The following PARD3B variants were observed in gnomAD, a reference collection of about 807,000 sequenced individuals.
PARD3B encodes par-3 family cell polarity regulator beta.
PARD3B carries 103 observed loss-of-function variants against 130.2 expected under a neutral mutation model. That is an observed-to-expected ratio of 0.79 (90% CI 0.67 to 0.93). PARD3B has a LOEUF of 0.93. PARD3B is among the 40% of genes least tolerant of loss of function. The pLI, the probability that PARD3B is intolerant of heterozygous loss-of-function variation, is 0.00. For synonymous variants in PARD3B, 583 were observed against 553.2 expected (o/e 1.05, Z -0.76); for missense variants, 1,609 against 1,499.2 (o/e 1.07, Z -1.21).
intron 2 of PARD3B, among the ~76,000 whole-genome samples, chr2:204,795,217 A>T (rs535923369): frequency 6.6e-6 from 1 of 152,304 alleles, no homozygotes; most frequent in South Asian, 2.1e-4. Flanking sequence ...TTAAAGTAAG[A>T]TTTTGTTAAG....
chr2:204,871,881 A>G (rs1186163242), intron 2 of PARD3B, among the ~76,000 whole-genome samples: 2 of 152,086 alleles, frequency 1.3e-5, no homozygotes, highest in East Asian at 3.9e-4. Flanking sequence ...CCCAATTTTA[A>G]AGCTTTCTTG....
intron 2 of PARD3B, among the ~76,000 whole-genome samples, chr2:204,747,421 G>A (rs569376435): frequency 3.3e-5 from 5 of 152,224 alleles, no homozygotes; most frequent in East Asian, 1.9e-4. Flanking sequence ...ACTGCTCAAC[G>A]AAATAAAAGA....
chr2:204,757,019 T>G (rs1178702937), intron 2 of PARD3B, among the ~76,000 whole-genome samples: 1 of 152,136 alleles, frequency 6.6e-6, no homozygotes, highest in Non-Finnish European at 1.5e-5. Context: ...CAGTATTTGG[T>G]TTTCTGTTTC....
In PARD3B at chr2:205,146,287, AG is replaced by A. The variant is rs1268828322; in HGVS notation, c.1435-12432del. On this transcript the variant is annotated intron_variant, in intron 10 of 22. Transcript: ENST00000406610. This position sits in a 1 kb window ranked among gnomAD's most constrained non-coding sequence, Gnocchi z 4.3. ...CAAAGATATTGGAAGTATCTTCCTAAGGGCCCAGCTTCCCAAATGGGCTACT... is the reference window on the plus strand; with the variant it reads ...CAAAGATATTGGAAGTATCTTCCTAAGGCCCAGCTTCCCAAATGGGCTACT... 6.6e-6 allele frequency among the ~76,000 whole-genome samples: 1 copy of A among 152,176 alleles called. No individual in the cohort carries two copies. The highest frequency in any genetic ancestry group is 1.5e-5 in the Non-Finnish European group (1 of 68,030).
rs1263638907 is a variant in PARD3B at position 205,288,304 on chromosome 2, AGTT to A, written c.2186-12225_2186-12223del. Among the ~76,000 whole-genome samples the A allele has an allele frequency of 6.6e-6, 1 of 152,156 alleles. No homozygotes were observed. Among genetic ancestry groups the A allele is most frequent in the Non-Finnish European group, 1.5e-5 (1 of 68,028 alleles). On this transcript the variant is annotated intron_variant, in intron 16 of 22. Coordinates refer to ENST00000406610, the MANE Select transcript of PARD3B (RefSeq NM_001302769.2). The surrounding 1 kb of genome is among the most constrained non-coding windows in gnomAD (Gnocchi z 4.0). ...CGTCAGAGAAAAACCTGGGGAAAAT[AGTT>A]CTGTTCATTTTGAGGACAGATGACT...
chr2:204,673,143 G>A lies in PARD3B; in HGVS notation c.121-13038G>A, dbSNP rs183701877. On this transcript the variant is annotated intron_variant, in intron 1 of 22. Transcript: ENST00000406610. The surrounding 1 kb of genome is among the most constrained non-coding windows in gnomAD (Gnocchi z 4.7). ...TACTTTTTCCACGAAGCATTTTGGG[G>A]AGTATGCTGAATTATCCTATTTATG... Among the ~76,000 whole-genome samples, 1 of 152,268 alleles carries A rather than the reference G, an allele frequency of 6.6e-6. No individual in the cohort carries two copies. Among genetic ancestry groups the A allele is most frequent in the African/African-American group, 2.4e-5 (1 of 41,576 alleles).
intron 21 of PARD3B, among the ~76,000 whole-genome samples, chr2:205,538,051 T>C (rs1399696437): frequency 6.6e-6 from 1 of 152,176 alleles, no homozygotes. Context: ...GCTTTATTCT[T>C]TTAATCATTT....
intron 4 of PARD3B, among the ~76,000 whole-genome samples, chr2:205,050,900 C>T (rs547963809): frequency 2.6e-5 from 4 of 152,162 alleles, no homozygotes; most frequent in Non-Finnish European, 5.9e-5. Flanking sequence ...TTCGGTTTGC[C>T]TGGGGCAGTC....
intron 18 of PARD3B, among the ~76,000 whole-genome samples, chr2:205,336,028 T>C (rs12470434): frequency 0.6 from 91,313 of 151,928 alleles, 30,781 homozygotes; most frequent in South Asian, 0.77. Flanking sequence ...ACAGCCAAAC[T>C]ATATCAGTAG....
intron 15 of PARD3B, among the ~76,000 whole-genome samples, chr2:205,216,152 C>T (rs1387674345): frequency 6.6e-6 from 1 of 152,084 alleles, no homozygotes; most frequent in Non-Finnish European, 1.5e-5. Flanking sequence ...AACACAGATA[C>T]TTACCATTAG....
At chr2:205,204,501 G>A (rs538147344) in intron 15 of PARD3B, among the ~76,000 whole-genome samples, 100 of 152,278 alleles carry the variant, frequency 6.6e-4, no homozygotes, top group Middle Eastern at 3.4e-3. Context: ...TGCTTTTGGT[G>A]TTTTAGACAT....
chr2:205,019,803 G>T (rs1696459155), intron 3 of PARD3B, among the ~76,000 whole-genome samples: 1 of 152,158 alleles, frequency 6.6e-6, no homozygotes. Context: ...ACAGAAAGGA[G>T]AAAAAGATAT....
chr2:205,165,912 G>C (rs1455695403), intron 11 of PARD3B, among the ~76,000 whole-genome samples: 1 of 152,088 alleles, frequency 6.6e-6, no homozygotes, highest in African/African-American at 2.4e-5. Context: ...GATAGGGGCA[G>C]TATACAGAAC....
chr2:204,813,074 A>G (rs2043019331), intron 2 of PARD3B, among the ~76,000 whole-genome samples: 1 of 152,112 alleles, frequency 6.6e-6, no homozygotes, highest in African/African-American at 2.4e-5. Flanking sequence ...TCTCTTTGTA[A>G]ATATCTAGAG....
intron 2 of PARD3B, among the ~76,000 whole-genome samples, chr2:204,863,130 C>G (rs1243352615): frequency 1.3e-5 from 2 of 152,104 alleles, no homozygotes; most frequent in African/African-American, 4.8e-5. Context: ...CGCTGGGGAC[C>G]CTTGGCTGTC....
At chr2:205,544,898 G>T (rs2052319278) in intron 21 of PARD3B, among the ~76,000 whole-genome samples, 1 of 152,180 alleles carries the variant, frequency 6.6e-6, no homozygotes, top group Admixed American at 6.5e-5. Context: ...TTTTAACCCT[G>T]ACATGTTGCA....
At chr2:205,267,621 A>T (rs2040561189) in intron 16 of PARD3B, among the ~76,000 whole-genome samples, 1 of 152,162 alleles carries the variant, frequency 6.6e-6, no homozygotes, top group Non-Finnish European at 1.5e-5. Context: ...TGCAAATGTC[A>T]TGGTATGCCC....
At chr2:204,891,547 G>A (rs1446881712) in intron 2 of PARD3B, among the ~76,000 whole-genome samples, 1 of 152,144 alleles carries the variant, frequency 6.6e-6, no homozygotes, top group African/African-American at 2.4e-5. Flanking sequence ...GTTTTAATCA[G>A]TGTTCAAAAT....
Position 205,341,314 on chromosome 2 carries a change from A to G in PARD3B, c.2630+39613A>G, listed in dbSNP as rs2043521678. Among the ~76,000 whole-genome samples, 1 of 152,156 alleles carries G rather than the reference A, an allele frequency of 6.6e-6. No individual in the cohort carries two copies. Among genetic ancestry groups the G allele is most frequent in the African/African-American group, 2.4e-5 (1 of 41,448 alleles). Reference sequence around the variant, plus strand: ...CCGCATGTTTAATGCATCACTGTTCACAATAGCTAAGATATGGAATCAACC... The same window carrying G: ...CCGCATGTTTAATGCATCACTGTTCGCAATAGCTAAGATATGGAATCAACC... On this transcript the variant is annotated intron_variant, in intron 18 of 22. Transcript: ENST00000406610. This position sits in a 1 kb window ranked among gnomAD's most constrained non-coding sequence, Gnocchi z 4.3.
Sources: gnomAD v4.1 joint callset for allele counts (sites outside exome capture counted in the v4.1 genomes callset) on GRCh38, gnomAD v4.1.1 for gene constraint, Gnocchi (gnomAD v3.1) non-coding constraint, MANE v1.5 for transcripts, NCBI Gene and HGNC (gene_info 2026-07-23, HGNC 2026-07-21) for gene names.